Variants in FARS2 observed in about 807,000 individuals in gnomAD.
FARS2 encodes the protein phenylalanyl-tRNA synthetase 2, mitochondrial.
Under a neutral mutation model 46.4 loss-of-function variants are expected in FARS2, and 40 were observed. That is an observed-to-expected ratio of 0.86 (90% CI 0.67 to 1.12). The LOEUF (loss-of-function observed/expected upper bound fraction) is 1.12, where lower values mean the gene tolerates loss of function less well. FARS2 is among the 50% of genes most tolerant of loss of function. The pLI is 0.00. For synonymous variants in FARS2, 234 were observed against 214.9 expected, an observed-to-expected ratio of 1.09 and a Z score of -0.78; for missense variants, 513 against 567.9, an observed-to-expected ratio of 0.90 and a Z score of 0.98.
At chr6:5,412,080 C>T (rs1295209831) in intron 3 of FARS2, among the ~76,000 whole-genome samples, 1 of 152,130 alleles carries the variant, frequency 6.6e-6, no homozygotes, top group Admixed American at 6.6e-5. Flanking sequence ...GGATTGGGAC[C>T]CTTGGGGGAG....
intron 4 of FARS2, among the ~76,000 whole-genome samples, chr6:5,477,737 G>A (rs1582219461): frequency 1.3e-5 from 2 of 152,298 alleles, no homozygotes; most frequent in East Asian, 3.9e-4. Context: ...ACTTAGGCAA[G>A]GCTGGGTGTG....
At chr6:5,384,056 G>A (rs1046443288) in intron 2 of FARS2, among the ~76,000 whole-genome samples, 1 of 152,150 alleles carries the variant, frequency 6.6e-6, no homozygotes, top group South Asian at 2.1e-4. Flanking sequence ...ACTTTACATG[G>A]TGGTTGTCAT....
intron 1 of FARS2, among the ~76,000 whole-genome samples, chr6:5,312,642 G>T (rs1769160713): frequency 6.6e-6 from 1 of 152,170 alleles, no homozygotes; most frequent in Admixed American, 6.5e-5. Context: ...CTTGCCTTCT[G>T]TTCTGGGCTC....
chr6:5,458,233 C>T (rs964830882), intron 4 of FARS2, among the ~76,000 whole-genome samples: 2 of 152,174 alleles, frequency 1.3e-5, no homozygotes, highest in Non-Finnish European at 2.9e-5. Flanking sequence ...CAAAGCCTGC[C>T]CATGACTGGA....
intron 5 of FARS2, among the ~76,000 whole-genome samples, chr6:5,595,791 T>G (rs1774165707): frequency 6.6e-6 from 1 of 152,160 alleles, no homozygotes; most frequent in Admixed American, 6.5e-5. Flanking sequence ...TAATCCCCAC[T>G]GGCAACACCA....
chr6:5,379,280 G>A (rs2127664974), intron 2 of FARS2, among the ~76,000 whole-genome samples: 1 of 152,264 alleles, frequency 6.6e-6, no homozygotes, highest in South Asian at 2.1e-4. Context: ...TTAACTGCAT[G>A]GCAGCTCACC....
chr6:5,503,095 A>G (rs1351756206), intron 4 of FARS2, among the ~76,000 whole-genome samples: 5 of 152,172 alleles, frequency 3.3e-5, no homozygotes, highest in African/African-American at 2.4e-5. Flanking sequence ...AATAAAAACA[A>G]CATCCTCACT....
chr6:5,608,026 CTT>C (rs949732388), intron 5 of FARS2, among the ~76,000 whole-genome samples: 7 of 147,984 alleles, frequency 4.7e-5, no homozygotes, highest in African/African-American at 1.7e-4. Flanking sequence ...AATTTTATGA[CTT>C]TTAACAAATA....
At chr6:5,473,533 CAA>C (rs368264799) in intron 4 of FARS2, among the ~76,000 whole-genome samples, 10 of 82,166 alleles carry the variant, frequency 1.2e-4, no homozygotes, top group Non-Finnish European at 1.7e-4. Flanking sequence ...TCTCAAAAAA[CAA>C]AAAAAAAAAC....
intron 5 of FARS2, among the ~76,000 whole-genome samples, chr6:5,592,651 T>C (rs1281409701): frequency 6.6e-6 from 1 of 152,210 alleles, no homozygotes; most frequent in Non-Finnish European, 1.5e-5. Context: ...AGAGGACATA[T>C]GCTAGGCACC....
intron 4 of FARS2, among the ~76,000 whole-genome samples, chr6:5,537,890 A>C (rs1367102960): frequency 1.3e-5 from 2 of 151,228 alleles, no homozygotes; most frequent in Non-Finnish European, 2.9e-5. Flanking sequence ...TTTTTTTTTA[A>C]AGTTTCCCTT....
intron 2 of FARS2, among the ~76,000 whole-genome samples, chr6:5,382,660 A>G (rs1759864866): frequency 6.6e-6 from 1 of 152,204 alleles, no homozygotes; most frequent in South Asian, 2.1e-4. Flanking sequence ...ACTTCTTGGA[A>G]TCGTGGAGAT....
chr6:5,558,065 A>AG (rs1771768424), intron 5 of FARS2, among the ~76,000 whole-genome samples: 1 of 152,196 alleles, frequency 6.6e-6, no homozygotes, highest in Non-Finnish European at 1.5e-5. Flanking sequence ...GGAAAAGTCA[A>AG]GGTTCATATT....
At chr6:5,298,103 G>A (rs758032344) in intron 1 of FARS2, among the ~76,000 whole-genome samples, 4 of 152,246 alleles carry the variant, frequency 2.6e-5, no homozygotes, top group Non-Finnish European at 4.4e-5. Flanking sequence ...ACATTTCTCT[G>A]TATTACTTTT....
At chr6:5,355,965 T>C (rs1319772577) in intron 1 of FARS2, among the ~76,000 whole-genome samples, 1 of 152,174 alleles carries the variant, frequency 6.6e-6, no homozygotes, top group African/African-American at 2.4e-5. Context: ...TTCATGGGCA[T>C]TTACAGAGAT....
At position 5,563,885 on chromosome 6, in the gene FARS2, G is replaced by T. The variant is rs529429911; in HGVS notation, c.1065+18545G>T. 2.0e-5 allele frequency among the ~76,000 whole-genome samples: 3 copies of T among 152,256 alleles called. No homozygotes were observed. In the South Asian group the frequency reaches 6.2e-4, roughly 32 times the overall value. On this transcript the variant is annotated intron_variant, in intron 5 of 6. Transcript: ENST00000274680. ...ATTGTAGCCCCTCAGGGCTGAGGCCGGCATTTTCCCTGAGCCTGTCAACAA... is the reference window on the plus strand; with the variant it reads ...ATTGTAGCCCCTCAGGGCTGAGGCCTGCATTTTCCCTGAGCCTGTCAACAA...
the FARS2 span, among the ~76,000 whole-genome samples, chr6:5,250,441 A>G: frequency 1.3e-5 from 2 of 152,160 alleles, no homozygotes; most frequent in South Asian, 2.1e-4. Context: ...TATCTTAAAT[A>G]TTTTCTACTC....
In FARS2 at chr6:5,606,319, AGC is replaced by A. The variant is rs527446802; in HGVS notation, c.1066-6849_1066-6848del. 2.7e-4 allele frequency among the ~76,000 whole-genome samples: 41 copies of A among 152,188 alleles called. 1 individual carries two copies. In the South Asian group the frequency reaches 7.8e-3, roughly 29 times the overall value. On this transcript the variant is annotated intron_variant, in intron 5 of 6. Transcript: ENST00000274680. ...AAAGATAGATTACCTGTGAAGAAGTAGCACTGACTGACAGCAGACTCGTCACC... is the reference window on the plus strand; with the variant it reads ...AAAGATAGATTACCTGTGAAGAAGTAACTGACTGACAGCAGACTCGTCACC...
intron 1 of FARS2, among the ~76,000 whole-genome samples, chr6:5,332,561 A>C (rs550710570): frequency 4.6e-5 from 7 of 152,356 alleles, no homozygotes; most frequent in Admixed American, 2.6e-4. Flanking sequence ...TTGATATTAT[A>C]CCTAAAGTAG....
Sources: allele counts gnomAD v4.1 joint callset (sites outside exome capture counted in the v4.1 genomes callset), GRCh38; gene constraint gnomAD v4.1.1; transcripts MANE v1.5; gene names NCBI Gene and HGNC (gene_info 2026-07-23, HGNC 2026-07-21).